USP34: variants seen among roughly 807,000 people sequenced by gnomAD.
USP34 encodes the protein ubiquitin specific peptidase 34.
Under a neutral mutation model 460.3 loss-of-function variants are expected in USP34, and 70 were observed. That is an observed-to-expected ratio of 0.15 (90% CI 0.13 to 0.19). The LOEUF is 0.19. Ranked by LOEUF, USP34 falls within the 10% of genes least tolerant of loss-of-function variation. The probability of loss-of-function intolerance (pLI) is 1.00; values close to 1 mark genes in which losing one functional copy is unlikely to be tolerated. For synonymous variants in USP34, 1,647 were observed against 1,405.3 expected (o/e 1.17, Z -3.85); for missense variants, 3,985 against 4,236.2 (o/e 0.94, Z 1.65).
intron 10 of USP34, among the ~76,000 whole-genome samples, chr2:61,359,109 C>T (rs1191985850): frequency 2.0e-5 from 3 of 151,830 alleles, no homozygotes; most frequent in Admixed American, 2.0e-4. Flanking sequence ...CAAATTCATA[C>T]AGAATTGCAA....
intron 1 of USP34, among the ~76,000 whole-genome samples, chr2:61,438,438 C>A (rs946813188): frequency 2.0e-5 from 3 of 152,026 alleles, no homozygotes; most frequent in African/African-American, 7.2e-5. Context: ...CATGGTGAAA[C>A]CCCGTTTCTA....
At chr2:61,417,637 T>C (rs540869353) in intron 2 of USP34, among the ~76,000 whole-genome samples, 42 of 151,862 alleles carry the variant, frequency 2.8e-4, no homozygotes, top group African/African-American at 9.2e-4. Context: ...CAATTCTCTG[T>C]AGTTTCTCAA....
intron 61 of USP34, among the ~76,000 whole-genome samples, chr2:61,228,346 A>G (rs1279332153): frequency 6.6e-6 from 1 of 152,194 alleles, no homozygotes; most frequent in African/African-American, 2.4e-5. Context: ...TGACCAGCAA[A>G]ATGTTCACAA....
At chr2:61,371,670 C>T (rs1316433778) in intron 8 of USP34, among the ~76,000 whole-genome samples, 2 of 152,052 alleles carry the variant, frequency 1.3e-5, no homozygotes, top group Admixed American at 1.3e-4. Flanking sequence ...GTGTACAGTG[C>T]TTACAAAGTC....
Position 61,246,424 on chromosome 2 carries a change from A to G in USP34, c.6448T>C (p.Leu2150=). The part of the protein sequence containing the change: ...SKDSESYEYD[L]IGVTVHTGTA... ...CCTGTGTGAACAGTCACTCCTATCA[A>G]GTCATATTCATAGCTCTCTGAGTCT... Residue 2150 remains leucine (L), a synonymous_variant, in exon 50 of 80, where the codon TTG becomes CTG. Transcript: ENST00000398571. The G allele has an allele frequency of 6.2e-7, 1 of 1,607,964 alleles. No homozygotes were observed. Among genetic ancestry groups the G allele is most frequent in the Non-Finnish European group, 8.5e-7 (1 of 1,176,548 alleles).
intron 2 of USP34, among the ~76,000 whole-genome samples, chr2:61,406,609 A>C (rs993340114): frequency 1.3e-5 from 2 of 151,732 alleles, no homozygotes; most frequent in Non-Finnish European, 2.9e-5. Context: ...GCTATCTGGC[A>C]AATCAAAAGT....
chr2:61,261,647 G>A (rs567779483), intron 43 of USP34, among the ~76,000 whole-genome samples: 2 of 152,190 alleles, frequency 1.3e-5, no homozygotes, highest in Admixed American at 1.3e-4. Context: ...TTAAAATGAT[G>A]AATTTAATGT....
chr2:61,392,281 A>G (rs1693372354), intron 5 of USP34, among the ~76,000 whole-genome samples: 1 of 152,158 alleles, frequency 6.6e-6, no homozygotes, highest in Admixed American at 6.6e-5. Context: ...GGCTGCAGTC[A>G]GCTGCTACTA....
chr2:61,387,702 TGTAAAAATATATTTTTACGTATAC>T (rs1693200332), intron 5 of USP34, among the ~76,000 whole-genome samples: 2 of 147,658 alleles, frequency 1.4e-5, no homozygotes, highest in African/African-American at 2.5e-5. Context: ...TATACACACA[TGTAAAAATATATTTTTACGTATAC>T]ACACATGTAA....
At chr2:61,245,138 C>A in intron 51 of USP34, 72 bp downstream of exon 51, 1 of 1,108,662 alleles carries the variant, frequency 9.0e-7, no homozygotes, top group Non-Finnish European at 1.3e-6. Flanking sequence ...AGCGACTCTG[C>A]TATTGGATTT....
At chr2:61,237,580 T>TTTTC (rs1688105724) in intron 53 of USP34, among the ~76,000 whole-genome samples, 1 of 139,270 alleles carries the variant, frequency 7.2e-6, no homozygotes, top group Non-Finnish European at 1.5e-5. Flanking sequence ...TTTTTTTTTT[T>TTTTC]TTTTAAAGAC....
intron 1 of USP34, among the ~76,000 whole-genome samples, chr2:61,433,359 T>G (rs1694729207): frequency 6.6e-6 from 1 of 152,106 alleles, no homozygotes; most frequent in East Asian, 1.9e-4. Flanking sequence ...ATCGGCCAGG[T>G]GCGGTGGCTC....
At chr2:61,241,321 C>A (rs547775819) in intron 53 of USP34, among the ~76,000 whole-genome samples, 28 of 152,256 alleles carry the variant, frequency 1.8e-4, no homozygotes, top group African/African-American at 5.8e-4. Flanking sequence ...AGATTACAGG[C>A]ATGAATCACC....
chr2:61,426,644 G>T (rs561698166), intron 1 of USP34, among the ~76,000 whole-genome samples: 1 of 152,232 alleles, frequency 6.6e-6, no homozygotes, highest in East Asian at 1.9e-4. Context: ...TTGCTGCCCT[G>T]AAGGAAGGAT....
intron 69 of USP34, among the ~76,000 whole-genome samples, chr2:61,209,308 ATTCACCATATTAT>A (rs1687207308): frequency 6.6e-6 from 1 of 152,208 alleles, no homozygotes; most frequent in African/African-American, 2.4e-5. Context: ...TAATCATAAA[ATTCACCATATTAT>A]CTAAACACTC....
intron 30 of USP34, among the ~76,000 whole-genome samples, 188 bp from the exon 31 acceptor site, chr2:61,295,478 A>G (rs768343258): frequency 6.6e-6 from 1 of 152,202 alleles, no homozygotes; most frequent in East Asian, 1.9e-4. Flanking sequence ...TATGCATTAA[A>G]TTTTCTGAAA....
rs142521242 is a variant in USP34 at position 61,196,014 on chromosome 2, C to G, written c.9509-3034G>C. Among the ~76,000 whole-genome samples, 3 of 150,600 alleles carry G rather than the reference C, an allele frequency of 2.0e-5. No homozygotes were observed. In the East Asian group the frequency reaches 5.9e-4, roughly 30 times the overall value. ...CTCCGCCTCCTGGGCTCAAGCCGTT[C>G]TCCCAGCTCAGTCTCCTGAGTAGCT... On this transcript the variant is annotated intron_variant, in intron 75 of 79. Coordinates refer to ENST00000398571, the MANE Select transcript of USP34 (RefSeq NM_014709.4).
chr2:61,221,060 G>C (rs1269372992), intron 66 of USP34, among the ~76,000 whole-genome samples: 1 of 152,172 alleles, frequency 6.6e-6, no homozygotes, highest in East Asian at 1.9e-4. Context: ...GCCACACAAA[G>C]TCTAAAATAT....
intron 27 of USP34, among the ~76,000 whole-genome samples, chr2:61,308,268 A>C (rs1285500233): frequency 6.6e-6 from 1 of 152,132 alleles, no homozygotes; most frequent in Non-Finnish European, 1.5e-5. Flanking sequence ...AAAAAGCAAA[A>C]TTCAACAATT....
Sources: gnomAD v4.1 joint callset for allele counts (sites outside exome capture counted in the v4.1 genomes callset) on GRCh38, gnomAD v4.1.1 for gene constraint, MANE v1.5 for transcripts, NCBI Gene and HGNC (gene_info 2026-07-23, HGNC 2026-07-21) for gene names.